The following CPSF1 variants were observed in gnomAD, a reference collection of about 807,000 sequenced individuals.
CPSF1 encodes cleavage and polyadenylation specific factor 1, also known as cleavage and polyadenylation specificity factor subunit 1.
In CPSF1, 106 loss-of-function variants were observed where a neutral mutation model predicts 175.8. The ratio of observed to expected loss-of-function variants is 0.60; its 90% CI spans 0.52 to 0.71. CPSF1 has a LOEUF of 0.71. Among genes scored for constraint, CPSF1 ranks in the 30% least tolerant of loss-of-function variants. The pLI, the probability that CPSF1 is intolerant of heterozygous loss-of-function variation, is 0.00. For missense variants in CPSF1, 1,734 were observed against 2,022.9 expected (o/e 0.86, Z 2.74); for synonymous variants, 1,024 against 858.3 (o/e 1.19, Z -3.37).
Position 144,394,125 on chromosome 8 carries a change from A to G in CPSF1, c.3847T>C (p.Tyr1283His), listed in dbSNP as rs1564683034. The G allele has an allele frequency of 6.2e-7, 1 of 1,612,910 alleles. No homozygotes were observed. Among genetic ancestry groups the G allele is most frequent in the Non-Finnish European group, 8.5e-7 (1 of 1,179,912 alleles). ...AGGAAGCACTCACCTTCGGGCAGGT[A>G]CATGTACACCATGAGGTTGCGGTCG... ...DRDRNLMVYM[Y>H]LPEAKESFGG... Residue 1283 changes from tyrosine to histidine, a missense_variant, in exon 34 of 38, where the codon TAC becomes CAC. Tyr to His is a moderately conservative substitution (Grantham distance 83). This residue lies in a region of CPSF1 where 323 missense variants were observed against 338.5 expected (regional missense o/e 0.95). Coordinates refer to ENST00000616140, the MANE Select transcript of CPSF1 (RefSeq NM_013291.3).
intron 9 of CPSF1, 31 bp downstream of exon 9, chr8:144,400,135 G>GGGCCCCCCCCC: frequency 4.8e-5 from 43 of 895,948 alleles, no homozygotes; most frequent in Non-Finnish European, 6.4e-5. Context: ...CCGTCCCCGG[G>GGGCCCCCCCCC]CCCCCCCCGC....
chr8:144,396,390 G>C lies in CPSF1; in HGVS notation c.2937C>G (p.His979Gln). 1 of 1,590,426 alleles carries C rather than the reference G, an allele frequency of 6.3e-7. No individual in the cohort carries two copies. Among genetic ancestry groups the C allele is most frequent in the Non-Finnish European group, 8.5e-7 (1 of 1,171,138 alleles). Residue 979 changes from histidine (H) to glutamine (Q), a missense_variant, in exon 26 of 38, where the codon CAC becomes CAG. This residue lies in a region of CPSF1 where 585 missense variants were observed against 584.7 expected (regional missense o/e 1.00). Coordinates refer to ENST00000616140, the MANE Select transcript of CPSF1 (RefSeq NM_013291.3). ...GGAAGCCGCGGGGACAGTTGACATT[G>C]TGGAATGGAGCGAAAGAGTCGACCG... ...DGPVDSFAPF[H>Q]NVNCPRGFLY...
Position 144,398,334 on chromosome 8 carries a change from A to G in CPSF1, c.1862T>C (p.Val621Ala). 7.2e-7 allele frequency: 1 copy of G among 1,382,444 alleles called. No homozygotes were observed. Among genetic ancestry groups the G allele is most frequent in the Non-Finnish European group, 9.7e-7 (1 of 1,030,276 alleles). The allele number at this position is 1,382,444 out of a possible 1,614,324, so 85.6% of individuals were successfully genotyped here. ...NIGDNRYIVQ[V>A]SPLGIRLLEG... ...CAGCAGGCGGATGCCCAGTGGTGAC[A>G]CTTGGACAATGTAGCGGTTGTCCCC... Residue 621 changes from valine (V) to alanine (A), a missense_variant, in exon 19 of 38, where the codon GTG becomes GCG. Coordinates refer to ENST00000616140, the MANE Select transcript of CPSF1 (RefSeq NM_013291.3).
At position 144,393,369 on chromosome 8, in the gene CPSF1, C is replaced by CAGGGGATGGAAG. The variant is rs1564681075; in HGVS notation, c.4285-16_4285-5dup. On this transcript the variant is annotated splice_polypyrimidine_tract_variant and splice_region_variant and intron_variant, in intron 37 of 37. Transcript: ENST00000616140. ...TCTCCAGCAAGTCGTCCAGGATCTGCAGGGGATGGAAGGGTGGGTGGGTGG... is the reference window on the plus strand; with the variant it reads ...TCTCCAGCAAGTCGTCCAGGATCTGCAGGGGATGGAAGAGGGGATGGAAGGGTGGGTGGGTGG... 1 of 1,112,614 alleles carries CAGGGGATGGAAG rather than the reference C, an allele frequency of 9.0e-7. No homozygotes were observed. The allele number at this position is 1,112,614 out of a possible 1,614,324, so 68.9% of individuals were successfully genotyped here.
Position 144,394,939 on chromosome 8 carries a change from G to A in CPSF1, c.3357C>T (p.Gly1119=). Residue 1119 remains glycine (G), a synonymous_variant, in exon 30 of 38, where the codon GGC becomes GGT. Transcript: ENST00000616140. The part of the protein sequence containing the change: ...RSEETVSGLK[G]YVAAGTCLMQ... ...TGAGGCAGGTCCCGGCGGCCACGTA[G>A]CCTTTGAGGCCCGACACGGTCTCCT... is the stretch of plus-strand genomic sequence containing the variant. 1 of 1,612,908 alleles carries A rather than the reference G, an allele frequency of 6.2e-7. No homozygotes were observed. The highest frequency in any genetic ancestry group is 8.5e-7 in the Non-Finnish European group (1 of 1,179,940).
chr8:144,395,548 C>T lies in CPSF1; in HGVS notation c.2983G>A (p.Glu995Lys). 1.5e-6 allele frequency: 1 copy of T among 680,848 alleles called. No homozygotes were observed. Among genetic ancestry groups the T allele is most frequent in the Non-Finnish European group, 2.5e-6 (1 of 403,768 alleles). 42.2% of individuals were successfully genotyped at this position (680,848 alleles called of 1,614,324 possible). A position where few individuals can be genotyped will look rare whatever the true frequency, so the allele number is the denominator to read the frequency against. ...RGFLYFNRQG[E>K]LRISVLPAYL... Reference sequence around the variant, plus strand: ...GCAGGCAGGACACTGATCCTCAGCTCGCCCTGGGGTGGGGGCACAGGGGTC... The same window carrying T: ...GCAGGCAGGACACTGATCCTCAGCTTGCCCTGGGGTGGGGGCACAGGGGTC... The change falls in exon 27 of 38, where the codon GAG (glutamate) becomes AAG (lysine). Residue 995 changes from glutamate to lysine, a missense_variant. Physicochemically the swap from Glu to Lys is moderately conservative, Grantham distance 56. Around this residue, in one of 10 missense-constraint regions of CPSF1, gnomAD observed 585 missense variants for 584.7 expected, o/e 1.00. Transcript: ENST00000616140.
chr8:144,402,719 T>C lies in CPSF1; in HGVS notation c.145-1046A>G, dbSNP rs1373696924. Among the ~76,000 whole-genome samples, 3 of 152,074 alleles carry C rather than the reference T, an allele frequency of 2.0e-5. No homozygotes were observed. The South Asian group carries it at 6.2e-4, about 31-fold the overall frequency. On this transcript the variant is annotated intron_variant, in intron 2 of 37. Coordinates refer to ENST00000616140, the MANE Select transcript of CPSF1 (RefSeq NM_013291.3). ...ACAGCGACAAGGGCAACTCCAGGGC[T>C]TCACCCGCAAATTCTACCAAAGGTT...
chr8:144,397,399 G>A lies in CPSF1; in HGVS notation c.2400C>T (p.Pro800=), dbSNP rs78258119. 8.0e-5 allele frequency: 126 copies of A among 1,572,596 alleles called. No homozygotes were observed. The African/African-American group carries it at 1.3e-3, about 16-fold the overall frequency. ...TCACCAGGAACACCAGCCGCCAGTCGGGAAGCTGGTAGATCTGCAGGGTGG... is the reference window on the plus strand; with the variant it reads ...TCACCAGGAACACCAGCCGCCAGTCAGGAAGCTGGTAGATCTGCAGGGTGG... ...ENGTMEIYQL[P]DWRLVFLVKN... is the part of the protein sequence containing the mutation. Residue 800 remains proline, a synonymous_variant, in exon 23 of 38, where the codon CCC becomes CCT. Transcript: ENST00000616140.
At chr8:144,395,593 A>C in intron 26 of CPSF1, 42 bp from the exon 27 acceptor site, 1 of 1,512,354 alleles carries the variant, frequency 6.6e-7, no homozygotes, top group East Asian at 2.3e-5. Context: ...AGGGCTAGCC[A>C]AGGGCAGGGG....
Position 144,396,516 on chromosome 8 carries a change from G to T in CPSF1, c.2827-16C>A, listed in dbSNP as rs374536457. 2.5e-6 allele frequency: 4 copies of T among 1,611,526 alleles called. No individual in the cohort carries two copies. In the African/African-American group the frequency reaches 4.0e-5, roughly 16 times the overall value. ...AGATGAAGACCTGGGGGCAGGCACC[G>T]TGAGGATGCTGTGGATGAGGATGCT... On this transcript the variant is annotated splice_polypyrimidine_tract_variant and intron_variant, in intron 25 of 37. Transcript: ENST00000616140.
intron 1 of CPSF1, 45 bp downstream of exon 1, chr8:144,409,244 C>T (rs1373754225): frequency 2.4e-6 from 3 of 1,239,588 alleles, no homozygotes; most frequent in Admixed American, 3.7e-5. Context: ...CCGCGCCCCT[C>T]CCCGGCCTCG....
chr8:144,400,330 C>G (rs2116874509), intron 8 of CPSF1, 24 bp downstream of exon 8: 1 of 1,613,710 alleles, frequency 6.2e-7, no homozygotes, highest in South Asian at 1.1e-5. Flanking sequence ...CACACACTCC[C>G]CTATCCACTC....
At position 144,395,535 on chromosome 8, in the gene CPSF1, C is replaced by T; in HGVS notation, c.2996G>A (p.Ser999Asn). 7.0e-7 allele frequency: 1 copy of T among 1,422,510 alleles called. No individual in the cohort carries two copies. The highest frequency in any genetic ancestry group is 9.5e-7 in the Non-Finnish European group (1 of 1,056,958). 88.1% of individuals were successfully genotyped at this position (1,422,510 alleles called of 1,614,324 possible). A position where few individuals can be genotyped will look rare whatever the true frequency, so the allele number is the denominator to read the frequency against. The stretch of plus-strand genomic sequence containing the variant: ...ATAGGACAGGTAGGCAGGCAGGACA[C>T]TGATCCTCAGCTCGCCCTGGGGTGG... ...YFNRQGELRI[S>N]VLPAYLSYDA... is the part of the protein sequence containing the mutation. Residue 999 changes from serine (S) to asparagine (N), a missense_variant, in exon 27 of 38, where the codon AGT (serine) becomes AAT (asparagine). Physicochemically the swap from Ser to Asn is conservative, Grantham distance 46. Transcript: ENST00000616140.
rs1564686194 is a variant in CPSF1, at chr8:144,395,506, CATCATAG to C, written c.3018_3024del (p.Tyr1007ProfsTer42). ...GGGATCTTCCTGACAGGCCATGGGG[CATCATAG>C]GACAGGTAGGCAGGCAGGACACTGA... On this transcript the variant is annotated frameshift_variant, in exon 27 of 38. Coordinates refer to ENST00000616140, the MANE Select transcript of CPSF1 (RefSeq NM_013291.3). LOFTEE classifies it high-confidence loss of function. 1 of 1,577,686 alleles carries C rather than the reference CATCATAG, an allele frequency of 6.3e-7. No homozygotes were observed. Among genetic ancestry groups the C allele is most frequent in the East Asian group, 2.4e-5 (1 of 42,464 alleles).
Position 144,393,382 on chromosome 8 carries a change from G to A in CPSF1, c.4285-17C>T, listed in dbSNP as rs1871532. ...GTCCAGGATCTGCAGGGGATGGAAG[G>A]GTGGGTGGGTGGGTGGGTGGGGATG... is the stretch of plus-strand genomic sequence containing the variant. On this transcript the variant is annotated splice_polypyrimidine_tract_variant and intron_variant, in intron 37 of 37. Transcript: ENST00000616140. 0.5 allele frequency: 550,035 copies of A among 1,098,980 alleles called. 106,361 individuals are homozygous for A. Among genetic ancestry groups the A allele is most frequent in the East Asian group, 0.72 (26,313 of 36,772 alleles). 68.1% of individuals were successfully genotyped at this position (1,098,980 alleles called of 1,614,324 possible).
intron 6 of CPSF1, 25 bp from the exon 7 acceptor site, chr8:144,400,842 G>T (rs2116878792): frequency 6.2e-7 from 1 of 1,611,892 alleles, no homozygotes; most frequent in Non-Finnish European, 8.5e-7. Context: ...GCTTCAGCAG[G>T]AGAGGAGGGG....
intron 2 of CPSF1, 70 bp downstream of exon 2, chr8:144,408,945 A>G (rs1285097750): frequency 5.1e-6 from 8 of 1,568,202 alleles, no homozygotes; most frequent in Non-Finnish European, 6.1e-6. Flanking sequence ...TGGCTCTTCC[A>G]TCTGCAACCG....
chr8:144,404,838 C>T (rs1470694711), intron 2 of CPSF1, among the ~76,000 whole-genome samples: 4 of 151,642 alleles, frequency 2.6e-5, no homozygotes, highest in Non-Finnish European at 5.9e-5. Context: ...AAGCGGATCA[C>T]GGGGTCAGGC....
chr8:144,402,244 A>G (rs1219812677), intron 2 of CPSF1, among the ~76,000 whole-genome samples: 1 of 152,204 alleles, frequency 6.6e-6, no homozygotes, highest in African/African-American at 2.4e-5. Flanking sequence ...TTAACTAGCT[A>G]GCAGATTTAT....
Sources: allele counts gnomAD v4.1 joint callset (sites outside exome capture counted in the v4.1 genomes callset), GRCh38; gene constraint gnomAD v4.1.1; regional missense constraint gnomAD v4.1.1; transcripts MANE v1.5; gene names NCBI Gene and HGNC (gene_info 2026-07-23, HGNC 2026-07-21).